Variants in PCDHGB4 observed in about 807,000 individuals in gnomAD.
PCDHGB4 encodes the protein protocadherin gamma-B4.
Under a neutral mutation model 60.5 loss-of-function variants are expected in PCDHGB4, and 38 were observed. The ratio of observed to expected loss-of-function variants is 0.63; its 90% CI spans 0.48 to 0.82. The LOEUF (loss-of-function observed/expected upper bound fraction) is 0.82. Ranked by LOEUF, PCDHGB4 falls within the 40% of genes least tolerant of loss-of-function variation. The pLI is 0.00. For missense variants in PCDHGB4, 1,109 were observed against 1,209.6 expected, an observed-to-expected ratio of 0.92 and a Z score of 1.23; for synonymous variants, 456 against 509.7, an observed-to-expected ratio of 0.89 and a Z score of 1.42.
At chr5:141,416,722 A>C (rs891558095) in intron 1 of PCDHGB4, 3 of 152,258 alleles carry the variant, frequency 2.0e-5, no homozygotes, top group African/African-American at 7.2e-5. Context: ...TGATGAGTTC[A>C]TTTAGTTCAA....
chr5:141,403,341 C>T (rs1279947533), intron 1 of PCDHGB4: 1 of 1,613,988 alleles, frequency 6.2e-7, no homozygotes, highest in Non-Finnish European at 8.5e-7. Flanking sequence ...AACGACAGCG[C>T]CCCAAAGTTC....
chr5:141,432,481 C>G lies in PCDHGB4; in HGVS notation c.2397+42200C>G. 6.2e-7 allele frequency: 1 copy of G among 1,614,198 alleles called. No homozygotes were observed. On this transcript the variant is annotated intron_variant, in intron 1 of 3. Coordinates refer to ENST00000519479, the MANE Select transcript of PCDHGB4 (RefSeq NM_003736.4). This position sits in a 1 kb window ranked among gnomAD's most constrained non-coding sequence, Gnocchi z 6.0. ...CCCTCCCCACGGACGGTTCCACTGG[C>G]GTGGAGCTGGCTCCCCGCTCCGCAG...
chr5:141,421,187 A>G (rs745843422), intron 1 of PCDHGB4: 5 of 1,473,698 alleles, frequency 3.4e-6, no homozygotes, highest in Non-Finnish European at 4.5e-6. Context: ...TTCACAACCA[A>G]CCAGCTCGAG....
At position 141,486,121 on chromosome 5, in the gene PCDHGB4, T is replaced by C. The variant is rs371827617; in HGVS notation, c.2398-8686T>C. 5.6e-6 allele frequency: 9 copies of C among 1,614,086 alleles called. No individual in the cohort carries two copies. The highest frequency in any genetic ancestry group is 2.2e-5 in the South Asian group (2 of 91,082). ...TAGACTTTGAGAGTGAGAATTACTATGAATTTGATGTGCGGGCTCGCGATG... is the reference window on the plus strand; with the variant it reads ...TAGACTTTGAGAGTGAGAATTACTACGAATTTGATGTGCGGGCTCGCGATG... On this transcript the variant is annotated intron_variant, in intron 1 of 3. Coordinates refer to ENST00000519479, the MANE Select transcript of PCDHGB4 (RefSeq NM_003736.4). This position sits in a 1 kb window ranked among gnomAD's most constrained non-coding sequence, Gnocchi z 5.0.
At position 141,511,940 on chromosome 5, in the gene PCDHGB4, G is replaced by A. The variant is rs2099884015; in HGVS notation, c.*767G>A. 1 of 154,118 alleles carries A rather than the reference G, an allele frequency of 6.5e-6. No homozygotes were observed. The highest frequency in any genetic ancestry group is 1.9e-4 in the East Asian group (1 of 5,214). 9.5% of individuals were successfully genotyped at this position (154,118 alleles called of 1,614,324 possible). ...TCCACTGCATGTTCCAAGACAGTAT[G>A]GGGTGGTAAGATAAGGAAGGGAAGT... On this transcript the variant is annotated 3_prime_UTR_variant, in exon 4 of 4. Coordinates refer to ENST00000519479, the MANE Select transcript of PCDHGB4 (RefSeq NM_003736.4).
chr5:141,489,364 G>A lies in PCDHGB4; in HGVS notation c.2398-5443G>A, dbSNP rs2099686163. On this transcript the variant is annotated intron_variant, in intron 1 of 3. Coordinates refer to ENST00000519479, the MANE Select transcript of PCDHGB4 (RefSeq NM_003736.4). The surrounding 1 kb of genome is among the most constrained non-coding windows in gnomAD (Gnocchi z 4.5). The stretch of plus-strand genomic sequence containing the variant: ...CTCAGTGGTGGAGGAGTCTGAGCCG[G>A]GGACGCTGGTGGGGAATGTTGCTCA... 1 of 1,613,450 alleles carries A rather than the reference G, an allele frequency of 6.2e-7. No homozygotes were observed. The highest frequency in any genetic ancestry group is 1.1e-5 in the South Asian group (1 of 91,042).
At position 141,389,423 on chromosome 5, in the gene PCDHGB4, C is replaced by G. The variant is rs779826135; in HGVS notation, c.1539C>G (p.Phe513Leu). 11 of 1,613,516 alleles carry G rather than the reference C, an allele frequency of 6.8e-6. No individual in the cohort carries two copies. The highest frequency in any genetic ancestry group is 9.3e-6 in the Non-Finnish European group (11 of 1,179,902). ...TAAGCGCGGAGAGCGGGGTGGTGTT[C>G]GCGCAGCGCGCCTTCGACCACGAGC... ...VSISAESGVV[F>L]AQRAFDHEQL... is the part of the protein sequence containing the mutation. The change falls in exon 1 of 4, where the codon TTC becomes TTG. Residue 513 changes from phenylalanine (F) to leucine (L), a missense_variant. Physicochemically the swap from Phe to Leu is conservative, Grantham distance 22 (BLOSUM62 0). Coordinates refer to ENST00000519479, the MANE Select transcript of PCDHGB4 (RefSeq NM_003736.4).
intron 1 of PCDHGB4, among the ~76,000 whole-genome samples, chr5:141,465,396 C>A (rs2099102528): frequency 6.6e-6 from 1 of 152,054 alleles, no homozygotes; most frequent in Admixed American, 6.6e-5. Context: ...AAAAACAAGT[C>A]AGAAGAAGCC....
Position 141,485,261 on chromosome 5 carries a change from C to G in PCDHGB4, c.2398-9546C>G, listed in dbSNP as rs759268725. 1 of 1,614,076 alleles carries G rather than the reference C, an allele frequency of 6.2e-7. No homozygotes were observed. The highest frequency in any genetic ancestry group is 8.5e-7 in the Non-Finnish European group (1 of 1,179,904). On this transcript the variant is annotated intron_variant, in intron 1 of 3. Transcript: ENST00000519479. This position sits in a 1 kb window ranked among gnomAD's most constrained non-coding sequence, Gnocchi z 5.7. The stretch of plus-strand genomic sequence containing the variant: ...TTACCACCTGGGTTACGTTTGTGGG[C>G]AGATCCGCTACCCGGTCCCAGAGGA...
chr5:141,439,289 T>C (rs1454088176), intron 1 of PCDHGB4, among the ~76,000 whole-genome samples: 1 of 151,850 alleles, frequency 6.6e-6, no homozygotes, highest in African/African-American at 2.4e-5. Flanking sequence ...CTGTGTTCCA[T>C]GGAAAAAGTA....
chr5:141,413,567 A>G (rs950241336), intron 1 of PCDHGB4: 2 of 1,613,936 alleles, frequency 1.2e-6, no homozygotes, highest in Admixed American at 1.7e-5. Context: ...ACTGATATCA[A>G]TGACAATGCT....
intron 1 of PCDHGB4, chr5:141,409,350 G>T: frequency 6.2e-7 from 1 of 1,613,922 alleles, no homozygotes; most frequent in Non-Finnish European, 8.5e-7. Context: ...GGAGAAGTCA[G>T]GTGTAATATA....
Position 141,485,046 on chromosome 5 carries a change from G to A in PCDHGB4, c.2398-9761G>A. On this transcript the variant is annotated intron_variant, in intron 1 of 3. Transcript: ENST00000519479. This position sits in a 1 kb window ranked among gnomAD's most constrained non-coding sequence, Gnocchi z 5.7. ...AAAAACGGCGCGTAACCCTTGCGGCGCCGGCCGAACCGCGCCAGAGCTGGC... is the reference window on the plus strand; with the variant it reads ...AAAAACGGCGCGTAACCCTTGCGGCACCGGCCGAACCGCGCCAGAGCTGGC... 2 of 750,304 alleles carry A rather than the reference G, an allele frequency of 2.7e-6. No individual in the cohort carries two copies. The highest frequency in any genetic ancestry group is 4.5e-6 in the Non-Finnish European group (2 of 443,046). The allele number at this position is 750,304 out of a possible 1,614,324, so 46.5% of individuals were successfully genotyped here. A position where few individuals can be genotyped will look rare whatever the true frequency, so the allele number is the denominator to read the frequency against.
chr5:141,505,596 T>G (rs2099846990), intron 3 of PCDHGB4, 115 bp downstream of exon 3: 1 of 1,562,168 alleles, frequency 6.4e-7, no homozygotes, highest in African/African-American at 1.4e-5. Context: ...CTCCAGATCT[T>G]TCGGCAGGTC....
chr5:141,430,458 A>G, intron 1 of PCDHGB4: 1 of 204,230 alleles, frequency 4.9e-6, no homozygotes, highest in Non-Finnish European at 9.7e-6. Context: ...GAAGAACAGT[A>G]GGTGGAGCTA....
At chr5:141,509,805 G>A (rs150684746) in intron 3 of PCDHGB4, among the ~76,000 whole-genome samples, 2 of 152,248 alleles carry the variant, frequency 1.3e-5, no homozygotes, top group Middle Eastern at 3.4e-3. Flanking sequence ...GCTTCATAGA[G>A]CCGAGCTCTT....
chr5:141,398,862 C>A (rs771326288), intron 1 of PCDHGB4: 5 of 1,613,966 alleles, frequency 3.1e-6, no homozygotes, highest in Admixed American at 1.7e-5. Flanking sequence ...TCAACCGAGA[C>A]GTGTACAGAG....
At chr5:141,405,364 C>T in intron 1 of PCDHGB4, 1 of 1,613,548 alleles carries the variant, frequency 6.2e-7, no homozygotes, top group Non-Finnish European at 8.5e-7. Flanking sequence ...TAGAAGACAC[C>T]CCTTTGGTTC....
intron 1 of PCDHGB4, among the ~76,000 whole-genome samples, chr5:141,454,829 A>T (rs2098803417): frequency 1.4e-5 from 1 of 70,192 alleles, no homozygotes. Context: ...TTTTTTTGAG[A>T]CAGAGTCGCG....
Sources: allele counts gnomAD v4.1 joint callset (sites outside exome capture counted in the v4.1 genomes callset), GRCh38; gene constraint gnomAD v4.1.1; non-coding constraint Gnocchi (gnomAD v3.1); transcripts MANE v1.5; gene names NCBI Gene and HGNC (gene_info 2026-07-23, HGNC 2026-07-21).